Variants in KAZN observed in about 807,000 individuals in gnomAD.
The protein encoded by KAZN is kazrin, periplakin interacting protein.
In KAZN, 40 loss-of-function variants were observed where a neutral mutation model predicts 87.4. The observed-to-expected ratio is 0.46, with a 90% confidence interval of 0.36 to 0.60. KAZN has a LOEUF of 0.60. KAZN is among the 20% of genes least tolerant of loss of function. The pLI, the probability that KAZN is intolerant of heterozygous loss-of-function variation, is 0.00. For synonymous variants in KAZN, 466 were observed against 458.3 expected (o/e 1.02, Z -0.22); for missense variants, 898 against 1,073.9 (o/e 0.84, Z 2.29).
At position 15,114,314 on chromosome 1, in the gene KAZN, C is replaced by T; in HGVS notation, c.2164-157C>T. ...CATTCACAAACTCCCCTCAACCTCCCTGAGCAGGGAGTATTATTACTAATA... is the reference window on the plus strand; with the variant it reads ...CATTCACAAACTCCCCTCAACCTCCTTGAGCAGGGAGTATTATTACTAATA... On this transcript the variant is annotated intron_variant, in intron 14 of 14. Transcript: ENST00000376030. 4.7e-6 allele frequency: 3 copies of T among 641,264 alleles called. 1 individual carries two copies. Among genetic ancestry groups the T allele is most frequent in the South Asian group, 4.1e-5 (2 of 48,394 alleles). 39.7% of individuals were successfully genotyped at this position (641,264 alleles called of 1,614,324 possible). A position where few individuals can be genotyped will look rare whatever the true frequency, so the allele number is the denominator to read the frequency against.
chr1:14,782,201 A>G (rs1645371118), intron 1 of KAZN, among the ~76,000 whole-genome samples: 1 of 152,178 alleles, frequency 6.6e-6, no homozygotes, highest in Non-Finnish European at 1.5e-5. Context: ...AGGCAAATAT[A>G]TTGATCGATA....
At position 14,518,119 on chromosome 1, in the gene KAZN, G is replaced by A. The variant is rs536439886; in HGVS notation, c.250-80864G>A. ...GCTCTGGCCTTTCACGTTAAATGGG[G>A]TAGTTAGTCTCTGTCATTATCAGAG... On this transcript the variant is annotated intron_variant, in intron 2 of 16. Transcript: ENST00000636203. Among the ~76,000 whole-genome samples the A allele has an allele frequency of 5.3e-5, 8 of 150,232 alleles. No individual in the cohort carries two copies. In the South Asian group the frequency reaches 1.7e-3, roughly 32 times the overall value.
chr1:14,745,049 T>C (rs961442871), intron 1 of KAZN, among the ~76,000 whole-genome samples: 4 of 152,038 alleles, frequency 2.6e-5, no homozygotes, highest in Admixed American at 6.5e-5. Flanking sequence ...GGAGATGATA[T>C]AGATGAAAGG....
chr1:13,954,420 A>C (rs527496406), intron 1 of KAZN, among the ~76,000 whole-genome samples: 5 of 152,352 alleles, frequency 3.3e-5, no homozygotes, highest in African/African-American at 1.2e-4. Flanking sequence ...TGACAGGATA[A>C]GATGTGATGG....
Position 14,507,825 on chromosome 1 carries a change from G to C in KAZN, c.250-91158G>C, listed in dbSNP as rs568585225. On this transcript the variant is annotated intron_variant, in intron 2 of 16. Coordinates refer to the KAZN transcript ENST00000636203. Reference sequence around the variant, plus strand: ...TAAAAAAATACAAAAAAATTAGTCGGGCACGGTGACGGGTGCCTGTAGTCC... The same window carrying C: ...TAAAAAAATACAAAAAAATTAGTCGCGCACGGTGACGGGTGCCTGTAGTCC... Among the ~76,000 whole-genome samples the C allele has an allele frequency of 3.2e-4, 49 of 152,066 alleles. No individual in the cohort carries two copies. In the South Asian group the frequency reaches 9.4e-3, roughly 29 times the overall value.
At chr1:14,509,664 C>A (rs1670798366) in intron 2 of KAZN, among the ~76,000 whole-genome samples, 1 of 152,190 alleles carries the variant, frequency 6.6e-6, no homozygotes, top group Non-Finnish European at 1.5e-5. Context: ...CTGTGTCTGA[C>A]ACTGGAGATA....
chr1:14,270,913 G>T (rs1208427098), intron 2 of KAZN, among the ~76,000 whole-genome samples: 1 of 152,172 alleles, frequency 6.6e-6, no homozygotes, highest in Non-Finnish European at 1.5e-5. Flanking sequence ...GCCCAGAAAT[G>T]GGGGACAGCC....
intron 2 of KAZN, among the ~76,000 whole-genome samples, chr1:14,982,216 G>A (rs1666316516): frequency 7.4e-6 from 1 of 134,658 alleles, no homozygotes; most frequent in Non-Finnish European, 1.6e-5. Flanking sequence ...CAGCACTCCG[G>A]CCGTTCCAGC....
chr1:13,920,219 C>T (rs1640011585), intron 1 of KAZN, among the ~76,000 whole-genome samples: 1 of 135,240 alleles, frequency 7.4e-6, no homozygotes, highest in Non-Finnish European at 1.5e-5. Context: ...CACTGCACTC[C>T]AGTGACACAG....
chr1:14,387,695 G>C (rs954398203), intron 2 of KAZN, among the ~76,000 whole-genome samples: 7 of 151,696 alleles, frequency 4.6e-5, no homozygotes, highest in African/African-American at 1.7e-4. Context: ...CTGCGTGCTG[G>C]GAGAACCACT....
At position 15,099,607 on chromosome 1, in the gene KAZN, C is replaced by T. The variant is rs114328104; in HGVS notation, c.1548-1936C>T. Among the ~76,000 whole-genome samples, 3,859 of 152,152 alleles carry T rather than the reference C, an allele frequency of 0.025. 175 individuals are homozygous for T. Among genetic ancestry groups the T allele is most frequent in the African/African-American group, 0.084 (3,487 of 41,492 alleles). ...CCCCCAGGACCCCAAGCCCCATGTG[C>T]GTTGGGGGAGGGGAAGTCAGCCAGG... On this transcript the variant is annotated intron_variant, in intron 10 of 14. Coordinates refer to ENST00000376030, the MANE Select transcript of KAZN (RefSeq NM_201628.3). The surrounding 1 kb of genome is among the most constrained non-coding windows in gnomAD (Gnocchi z 5.4).
At chr1:13,898,115 A>G (rs1639112664) in intron 1 of KAZN, among the ~76,000 whole-genome samples, 1 of 152,168 alleles carries the variant, frequency 6.6e-6, no homozygotes, top group South Asian at 2.1e-4. Context: ...TCAGAAACAT[A>G]CAGGGGTTCA....
chr1:14,262,470 G>A (rs1056685183), intron 2 of KAZN, among the ~76,000 whole-genome samples: 4 of 152,170 alleles, frequency 2.6e-5, no homozygotes, highest in African/African-American at 9.7e-5. Context: ...TCTACATGTT[G>A]CTGGTCATGT....
chr1:14,973,488 C>T (rs970973563), intron 2 of KAZN, among the ~76,000 whole-genome samples: 1 of 152,304 alleles, frequency 6.6e-6, no homozygotes, highest in East Asian at 1.9e-4. Flanking sequence ...TCCCCACTGG[C>T]CGGGGTCATA....
intron 1 of KAZN, among the ~76,000 whole-genome samples, chr1:14,945,540 G>A (rs1361098125): frequency 1.3e-5 from 2 of 151,958 alleles, no homozygotes; most frequent in Non-Finnish European, 2.9e-5. Flanking sequence ...CTCCCTCCCT[G>A]CCCCCTCCCC....
At chr1:13,948,400 G>A (rs1051204594) in intron 1 of KAZN, among the ~76,000 whole-genome samples, 2 of 152,104 alleles carry the variant, frequency 1.3e-5, no homozygotes, top group African/African-American at 2.4e-5. Context: ...CCCCTTCGCG[G>A]GGCACTCATT....
chr1:14,036,466 A>T (rs1641563715), intron 1 of KAZN, among the ~76,000 whole-genome samples: 1 of 151,200 alleles, frequency 6.6e-6, no homozygotes, highest in Admixed American at 6.5e-5. Flanking sequence ...TTGCATGTTG[A>T]ACTCTTTTTG....
chr1:13,923,343 G>A (rs946870076), intron 1 of KAZN, among the ~76,000 whole-genome samples: 3 of 152,104 alleles, frequency 2.0e-5, no homozygotes, highest in Admixed American at 1.3e-4. Context: ...GGAGGCTGAG[G>A]TGGGCAGATC....
chr1:14,870,529 C>T (rs151162520), intron 1 of KAZN, among the ~76,000 whole-genome samples: 1,799 of 152,176 alleles, frequency 0.012, 36 homozygotes, highest in African/African-American at 0.041. Flanking sequence ...TTAGTAGAGA[C>T]GCGGTTTCTC....
Sources: gnomAD v4.1 joint callset for allele counts (sites outside exome capture counted in the v4.1 genomes callset) on GRCh38, gnomAD v4.1.1 for gene constraint, Gnocchi (gnomAD v3.1) non-coding constraint, MANE v1.5 for transcripts, NCBI Gene and HGNC (gene_info 2026-07-23, HGNC 2026-07-21) for gene names.